TGFA: variants seen among roughly 807,000 people sequenced by gnomAD.
TGFA encodes transforming growth factor alpha.
A neutral mutation model predicts 21.7 loss-of-function variants in TGFA; 12 were observed. The observed-to-expected ratio is 0.55, with a 90% CI of 0.35 to 0.90. TGFA has a LOEUF of 0.90. Ranked by LOEUF, TGFA falls within the 40% of genes least tolerant of loss-of-function variation. The pLI is 0.01. For synonymous variants in TGFA, 79 were observed against 88.1 expected (o/e 0.90, Z 0.58); for missense variants, 178 against 210.8 (o/e 0.84, Z 0.96).
chr2:70,507,444 T>C (rs1671960405), intron 2 of TGFA, among the ~76,000 whole-genome samples: 1 of 152,260 alleles, frequency 6.6e-6, no homozygotes, highest in African/African-American at 2.4e-5. Flanking sequence ...TCTATGTATA[T>C]ATCATGTGTA....
intron 1 of TGFA, among the ~76,000 whole-genome samples, chr2:70,536,019 G>T (rs2103917825): frequency 6.6e-6 from 1 of 152,296 alleles, no homozygotes; most frequent in Non-Finnish European, 1.5e-5. Context: ...TTAAAATTGA[G>T]CAGAGTTCTG....
chr2:70,512,095 C>G (rs76667639), intron 2 of TGFA, among the ~76,000 whole-genome samples: 4,343 of 151,972 alleles, frequency 0.029, 209 homozygotes, highest in African/African-American at 0.099. Context: ...GGAAGGACAC[C>G]CTAAAGGAAA....
chr2:70,545,198 G>C (rs1673257576), intron 1 of TGFA, among the ~76,000 whole-genome samples: 2 of 151,888 alleles, frequency 1.3e-5, no homozygotes, highest in African/African-American at 4.8e-5. Context: ...AGGAGACCAA[G>C]GAGATGAAGG....
chr2:70,540,678 T>C (rs1469198935), intron 1 of TGFA, among the ~76,000 whole-genome samples: 3 of 152,202 alleles, frequency 2.0e-5, no homozygotes, highest in African/African-American at 7.2e-5. Flanking sequence ...ATGAACAGAT[T>C]TTTAGTCCCT....
chr2:70,514,634 G>A (rs1194490260), intron 2 of TGFA, among the ~76,000 whole-genome samples: 3 of 152,150 alleles, frequency 2.0e-5, no homozygotes, highest in Admixed American at 6.5e-5. Flanking sequence ...AGAGAGACAC[G>A]TAGGGGAGGC....
At chr2:70,455,186 C>A (rs1224981214) in intron 4 of TGFA, among the ~76,000 whole-genome samples, 2 of 152,138 alleles carry the variant, frequency 1.3e-5, no homozygotes, top group African/African-American at 4.8e-5. Flanking sequence ...CCAGCTCAGA[C>A]CTCAAACCTC....
At chr2:70,553,133 A>G in intron 1 of TGFA, 7 of 1,526,862 alleles carry the variant, frequency 4.6e-6, no homozygotes, top group East Asian at 2.4e-5. Context: ...CACTTCTCCC[A>G]GGGAAGTTAA....
At chr2:70,460,009 C>T (rs187301835) in intron 3 of TGFA, among the ~76,000 whole-genome samples, 217 of 152,298 alleles carry the variant, frequency 1.4e-3, no homozygotes, top group African/African-American at 4.9e-3. Flanking sequence ...ACAGTTGGGA[C>T]CTCCCCAATC....
chr2:70,528,776 A>G (rs1553503271), intron 1 of TGFA, among the ~76,000 whole-genome samples: 1 of 152,218 alleles, frequency 6.6e-6, no homozygotes, highest in African/African-American at 2.4e-5. Flanking sequence ...AGAACCTAAG[A>G]GTTACTACAA....
At chr2:70,504,940 T>C (rs1264308324) in intron 2 of TGFA, among the ~76,000 whole-genome samples, 2 of 152,208 alleles carry the variant, frequency 1.3e-5, no homozygotes, top group Non-Finnish European at 2.9e-5. Flanking sequence ...TTGGGCAAGT[T>C]ACTTAACTTC....
At chr2:70,489,893 A>C (rs1359304822) in intron 2 of TGFA, among the ~76,000 whole-genome samples, 7 of 152,190 alleles carry the variant, frequency 4.6e-5, no homozygotes, top group Admixed American at 1.3e-4. Flanking sequence ...AGTCCTCCAC[A>C]CATTGTAGGC....
rs1673593790 is a variant in TGFA at position 70,553,826 on chromosome 2, T to G, written c.-59A>C. On this transcript the variant is annotated 5_prime_UTR_variant, in exon 1 of 6. Coordinates refer to ENST00000295400, the MANE Select transcript of TGFA (RefSeq NM_003236.4). ...TCCTGCCCTACCTGCGGTGCCCGAGTGGCGGAGCGGCGCCGCGGTGCGGGG... is the reference window on the plus strand; with the variant it reads ...TCCTGCCCTACCTGCGGTGCCCGAGGGGCGGAGCGGCGCCGCGGTGCGGGG... 8.0e-7 allele frequency: 1 copy of G among 1,245,460 alleles called. No homozygotes were observed. The allele number at this position is 1,245,460 out of a possible 1,614,324, so 77.2% of individuals were successfully genotyped here.
At chr2:70,454,431 C>T (rs1399138313) in intron 4 of TGFA, among the ~76,000 whole-genome samples, 1 of 152,256 alleles carries the variant, frequency 6.6e-6, no homozygotes, top group Non-Finnish European at 1.5e-5. Context: ...AGCAGTGTGC[C>T]TGGGCACGAG....
chr2:70,498,462 AC>A (rs1456677866), intron 2 of TGFA, among the ~76,000 whole-genome samples: 1 of 152,202 alleles, frequency 6.6e-6, no homozygotes, highest in Non-Finnish European at 1.5e-5. Context: ...AGTAAGGGCA[AC>A]GGGGCTTGGG....
At chr2:70,511,090 T>A (rs1553500876) in intron 2 of TGFA, among the ~76,000 whole-genome samples, 1 of 152,216 alleles carries the variant, frequency 6.6e-6, no homozygotes, top group East Asian at 1.9e-4. Flanking sequence ...CTCTCCACAA[T>A]GTTCCATTAA....
At chr2:70,504,593 T>C (rs1671864677) in intron 2 of TGFA, among the ~76,000 whole-genome samples, 1 of 151,420 alleles carries the variant, frequency 6.6e-6, no homozygotes, top group South Asian at 2.1e-4. Flanking sequence ...CACATGTGCA[T>C]TGGTATATAT....
At chr2:70,469,533 C>T (rs1345362920) in intron 2 of TGFA, among the ~76,000 whole-genome samples, 1 of 152,088 alleles carries the variant, frequency 6.6e-6, no homozygotes, top group Non-Finnish European at 1.5e-5. Flanking sequence ...GACAGAGTGT[C>T]ACCACATTGC....
At chr2:70,485,438 A>G (rs1368050762) in intron 2 of TGFA, among the ~76,000 whole-genome samples, 3 of 152,142 alleles carry the variant, frequency 2.0e-5, no homozygotes, top group Non-Finnish European at 2.9e-5. Context: ...GGGTTTCACC[A>G]TGTTGGCCAG....
At chr2:70,468,145 G>A (rs961290291) in intron 2 of TGFA, among the ~76,000 whole-genome samples, 29 of 152,298 alleles carry the variant, frequency 1.9e-4, no homozygotes, top group African/African-American at 6.0e-4. Context: ...GAATATCCAC[G>A]TGATAAAACC....
Sources: allele counts gnomAD v4.1 joint callset (sites outside exome capture counted in the v4.1 genomes callset), GRCh38; gene constraint gnomAD v4.1.1; transcripts MANE v1.5; gene names NCBI Gene and HGNC (gene_info 2026-07-23, HGNC 2026-07-21).